CADPS: variants seen among roughly 807,000 people sequenced by gnomAD.
CADPS encodes calcium-dependent secretion activator 1.
Under a neutral mutation model 167.3 loss-of-function variants are expected in CADPS, and 57 were observed. That is an observed-to-expected ratio of 0.34 (90% CI 0.28 to 0.42). The LOEUF is 0.42. Among genes scored for constraint, CADPS ranks in the 20% least tolerant of loss-of-function variants. The probability of loss-of-function intolerance (pLI) is 1.00; values close to 1 mark genes in which losing one functional copy is unlikely to be tolerated. For missense variants in CADPS, 1,414 were observed against 1,738.1 expected, an observed-to-expected ratio of 0.81 and a Z score of 3.32; for synonymous variants, 676 against 635.3, an observed-to-expected ratio of 1.06 and a Z score of -0.96.
chr3:62,815,969 T>A (rs1268265495), intron 1 of CADPS, among the ~76,000 whole-genome samples: 1 of 152,200 alleles, frequency 6.6e-6, no homozygotes, highest in Non-Finnish European at 1.5e-5. Context: ...AGAACTTGAA[T>A]GGTTAAAATA....
chr3:62,572,143 C>A (rs1300757817), intron 8 of CADPS, among the ~76,000 whole-genome samples: 1 of 152,144 alleles, frequency 6.6e-6, no homozygotes, highest in Non-Finnish European at 1.5e-5. Context: ...GAAGAATGCA[C>A]CTAATTAAAA....
At chr3:62,528,677 A>G (rs561713948) in intron 13 of CADPS, among the ~76,000 whole-genome samples, 1 of 152,300 alleles carries the variant, frequency 6.6e-6, no homozygotes, top group Non-Finnish European at 1.5e-5. Context: ...ATACTCCTAG[A>G]TTTATGCAGA....
intron 1 of CADPS, among the ~76,000 whole-genome samples, chr3:62,832,290 T>C (rs1055924147): frequency 4.6e-5 from 7 of 152,216 alleles, no homozygotes; most frequent in African/African-American, 7.2e-5. Flanking sequence ...CACCAATCCA[T>C]GCAAATCTCT....
intron 29 of CADPS, among the ~76,000 whole-genome samples, chr3:62,400,245 A>G (rs928525574): frequency 6.6e-6 from 1 of 152,156 alleles, no homozygotes; most frequent in Non-Finnish European, 1.5e-5. Flanking sequence ...CAGGGAAGAA[A>G]TTTGGCTCTT....
intron 27 of CADPS, among the ~76,000 whole-genome samples, chr3:62,443,055 C>A (rs1178457134): frequency 6.6e-6 from 1 of 152,120 alleles, no homozygotes; most frequent in Non-Finnish European, 1.5e-5. Flanking sequence ...TCATTAATAG[C>A]TGGTAAAAAA....
At chr3:62,445,154 G>A (rs1012490794) in intron 27 of CADPS, among the ~76,000 whole-genome samples, 3 of 152,054 alleles carry the variant, frequency 2.0e-5, no homozygotes, top group Non-Finnish European at 4.4e-5. Context: ...GTAAATTTTG[G>A]GAAACTTCGA....
intron 1 of CADPS, among the ~76,000 whole-genome samples, chr3:62,774,432 T>C (rs2089763491): frequency 6.6e-6 from 1 of 152,202 alleles, no homozygotes; most frequent in African/African-American, 2.4e-5. Flanking sequence ...AAGATCTCAT[T>C]AAGAGTTAGT....
intron 3 of CADPS, among the ~76,000 whole-genome samples, chr3:62,715,390 C>CTATT (rs1437367827): frequency 5.1e-5 from 7 of 138,152 alleles, no homozygotes; most frequent in African/African-American, 1.8e-4. Context: ...ATCTATCTAT[C>CTATT]TATCTATCTG....
intron 26 of CADPS, among the ~76,000 whole-genome samples, chr3:62,454,022 G>A (rs1221824138): frequency 1.3e-5 from 2 of 152,144 alleles, no homozygotes; most frequent in Non-Finnish European, 2.9e-5. Flanking sequence ...TTTCTCATAA[G>A]TAGCTCACCA....
chr3:62,422,807 G>C (rs1281067646), intron 28 of CADPS, among the ~76,000 whole-genome samples: 2 of 152,164 alleles, frequency 1.3e-5, no homozygotes, highest in Non-Finnish European at 2.9e-5. Context: ...TGAAAACTTA[G>C]CTATGTAGGT....
chr3:62,846,266 T>C (rs930697726), intron 1 of CADPS, among the ~76,000 whole-genome samples: 16 of 152,194 alleles, frequency 1.1e-4, no homozygotes, highest in African/African-American at 3.6e-4. Flanking sequence ...AACGGACTAA[T>C]ACAGTAAGTG....
intron 8 of CADPS, among the ~76,000 whole-genome samples, chr3:62,582,163 C>A (rs780159353): frequency 3.7e-4 from 57 of 152,150 alleles, no homozygotes; most frequent in Non-Finnish European, 7.6e-4. Context: ...ATTGCTTTTT[C>A]GGCAGGGCGC....
chr3:62,459,293 G>A (rs886295484), intron 26 of CADPS, among the ~76,000 whole-genome samples: 10 of 152,196 alleles, frequency 6.6e-5, no homozygotes, highest in African/African-American at 2.4e-4. Flanking sequence ...CAGGGAGCTG[G>A]TCTCTCTGTG....
intron 3 of CADPS, among the ~76,000 whole-genome samples, chr3:62,717,954 A>G (rs1400838001): frequency 2.0e-5 from 3 of 152,158 alleles, no homozygotes; most frequent in Non-Finnish European, 4.4e-5. Flanking sequence ...CTCTACCTGG[A>G]AACTTATTTC....
chr3:62,612,328 C>A (rs1157378333), intron 6 of CADPS, among the ~76,000 whole-genome samples: 3 of 152,154 alleles, frequency 2.0e-5, no homozygotes, highest in African/African-American at 7.2e-5. Flanking sequence ...TGGACGCATA[C>A]AAAGCACTGA....
At chr3:62,402,050 A>G (rs563358295) in intron 29 of CADPS, among the ~76,000 whole-genome samples, 23 of 152,292 alleles carry the variant, frequency 1.5e-4, no homozygotes, top group Admixed American at 9.8e-4. Context: ...AAGTGTATAC[A>G]TTCGTTTTTT....
chr3:62,835,338 C>T (rs1209517071), intron 1 of CADPS, among the ~76,000 whole-genome samples: 2 of 152,154 alleles, frequency 1.3e-5, no homozygotes, highest in Non-Finnish European at 2.9e-5. Context: ...CTAGAAAATT[C>T]TTGTAAAGTG....
intron 26 of CADPS, among the ~76,000 whole-genome samples, chr3:62,461,513 C>T (rs2059347355): frequency 6.6e-6 from 1 of 152,164 alleles, no homozygotes; most frequent in Admixed American, 6.5e-5. Context: ...TTGCCCTCTC[C>T]AGTCAAGTCT....
chr3:62,751,631 G>T (rs2082724152), intron 3 of CADPS, among the ~76,000 whole-genome samples: 1 of 152,058 alleles, frequency 6.6e-6, no homozygotes, highest in African/African-American at 2.4e-5. Flanking sequence ...ATGTTGGCCA[G>T]GCTGGTCTTG....
Sources: allele counts gnomAD v4.1 joint callset (sites outside exome capture counted in the v4.1 genomes callset), GRCh38; gene constraint gnomAD v4.1.1; transcripts MANE v1.5; gene names NCBI Gene and HGNC (gene_info 2026-07-23, HGNC 2026-07-21).